Variants in NECAB1 observed in about 807,000 individuals in gnomAD.
The protein encoded by NECAB1 is N-terminal EF-hand calcium-binding protein 1.
NECAB1 carries 29 observed loss-of-function variants against 57.5 expected under a neutral mutation model. The observed-to-expected ratio is 0.50, with a 90% confidence interval of 0.38 to 0.69. NECAB1 has a LOEUF of 0.69. Among genes scored for constraint, NECAB1 ranks in the 30% least tolerant of loss-of-function variants. NECAB1 has a pLI of 0.00. For missense variants in NECAB1, 372 were observed against 413.8 expected (o/e 0.90, Z 0.88); for synonymous variants, 142 against 147.7 (o/e 0.96, Z 0.28).
At chr8:90,811,160 C>T (rs1811952624) in intron 2 of NECAB1, among the ~76,000 whole-genome samples, 1 of 152,000 alleles carries the variant, frequency 6.6e-6, no homozygotes, top group South Asian at 2.1e-4. Context: ...ACTCTGTTAG[C>T]CAGGATGGTC....
At chr8:90,951,067 A>T (rs745391499) in intron 11 of NECAB1, 46 bp from the exon 12 acceptor site, 1 of 1,195,114 alleles carries the variant, frequency 8.4e-7, no homozygotes, top group Non-Finnish European at 1.2e-6. Flanking sequence ...ACTTGGGAAG[A>T]TTGTAAATAA....
At chr8:90,792,039 C>T (rs1213107234) in intron 1 of NECAB1, 54 bp downstream of exon 1, 23 of 1,423,758 alleles carry the variant, frequency 1.6e-5, no homozygotes, top group Non-Finnish European at 2.0e-5. Flanking sequence ...TTTCTTTTCC[C>T]CGAAAGGAAG....
chr8:90,813,974 C>T (rs1465211234), intron 2 of NECAB1, among the ~76,000 whole-genome samples: 1 of 152,184 alleles, frequency 6.6e-6, no homozygotes, highest in African/African-American at 2.4e-5. Flanking sequence ...TATTTGTCTA[C>T]TAAAGTCCAC....
chr8:90,834,706 T>A (rs926049402), intron 3 of NECAB1, among the ~76,000 whole-genome samples: 5 of 151,986 alleles, frequency 3.3e-5, no homozygotes, highest in African/African-American at 1.2e-4. Context: ...GTAAAAAGAG[T>A]TGAAAATATA....
At chr8:90,925,069 T>A (rs1810226833) in intron 6 of NECAB1, among the ~76,000 whole-genome samples, 1 of 151,070 alleles carries the variant, frequency 6.6e-6, no homozygotes, top group Admixed American at 6.6e-5. Flanking sequence ...GAAAGAGGAG[T>A]GGGAATATGA....
chr8:90,839,773 G>T (rs79684419), intron 3 of NECAB1, among the ~76,000 whole-genome samples: 2,492 of 152,204 alleles, frequency 0.016, 76 homozygotes, highest in African/African-American at 0.057. Context: ...AGCCAAGAGG[G>T]GACCTAACTG....
chr8:90,877,490 A>G (rs1219356936), intron 4 of NECAB1, among the ~76,000 whole-genome samples: 1 of 152,186 alleles, frequency 6.6e-6, no homozygotes, highest in Non-Finnish European at 1.5e-5. Context: ...AGACCTTCTC[A>G]GTTATCTTCA....
intron 4 of NECAB1, among the ~76,000 whole-genome samples, chr8:90,875,844 C>CAAAAAAAAAAAAAAAAAAAAAAAAAAA (rs5893141): frequency 1.1e-5 from 1 of 88,442 alleles, no homozygotes; most frequent in African/African-American, 4.6e-5. Context: ...ACTAAAAATA[C>CAAAAAAAAAAAAAAAAAAAAAAAAAAA]AAAAAAAAAA....
At chr8:90,897,212 G>A (rs1317493988) in intron 5 of NECAB1, among the ~76,000 whole-genome samples, 1 of 152,210 alleles carries the variant, frequency 6.6e-6, no homozygotes, top group African/African-American at 2.4e-5. Context: ...GAGGGGCACA[G>A]ATTTACTATA....
intron 5 of NECAB1, among the ~76,000 whole-genome samples, chr8:90,905,475 A>G (rs1054688448): frequency 6.6e-6 from 1 of 152,198 alleles, no homozygotes; most frequent in Non-Finnish European, 1.5e-5. Context: ...TAATAGCCAC[A>G]GGTTCATAGG....
chr8:90,895,111 CT>C (rs1809291030), intron 5 of NECAB1, among the ~76,000 whole-genome samples: 1 of 152,086 alleles, frequency 6.6e-6, no homozygotes, highest in African/African-American at 2.4e-5. Context: ...GCACAAATGT[CT>C]GTTAAGAAAA....
intron 5 of NECAB1, among the ~76,000 whole-genome samples, chr8:90,896,584 G>A (rs1346864891): frequency 6.6e-6 from 1 of 151,554 alleles, no homozygotes; most frequent in Non-Finnish European, 1.5e-5. Context: ...CAGCCTGGGC[G>A]ACAGAGCGAG....
intron 2 of NECAB1, among the ~76,000 whole-genome samples, chr8:90,802,570 C>T (rs1161032169): frequency 2.0e-5 from 3 of 151,752 alleles, no homozygotes; most frequent in Non-Finnish European, 4.4e-5. Context: ...TTTTGAAATC[C>T]CATTTATCTA....
At chr8:90,921,139 C>A (rs1223699323) in intron 6 of NECAB1, among the ~76,000 whole-genome samples, 2 of 152,118 alleles carry the variant, frequency 1.3e-5, no homozygotes, top group African/African-American at 4.8e-5. Context: ...GTCTTAGCCT[C>A]CCGAGTAACT....
intron 3 of NECAB1, among the ~76,000 whole-genome samples, chr8:90,848,066 A>G (rs549494294): frequency 6.6e-6 from 1 of 152,140 alleles, no homozygotes; most frequent in African/African-American, 2.4e-5. Context: ...TCAGGCTGCA[A>G]ATTTTCCAAA....
chr8:90,934,344 G>A lies in NECAB1; in HGVS notation c.734G>A (p.Gly245Glu). 2 of 1,506,380 alleles carry A rather than the reference G, an allele frequency of 1.3e-6. No homozygotes were observed. Among genetic ancestry groups the A allele is most frequent in the Non-Finnish European group, 1.8e-6 (2 of 1,124,470 alleles). The allele number at this position is 1,506,380 out of a possible 1,614,324, so 93.3% of individuals were successfully genotyped here. The part of the protein sequence containing the change: ...LEPPEEEIIE[G>E]NTKSHIMLVQ... ...CCACCAGAAGAAGAAATTATTGAAG[G>A]GAATACTAAATCTGTAAGTATTTTT... Residue 245 changes from glycine (G) to glutamate (E), a missense_variant, in exon 9 of 13, where the codon GGG becomes GAG. Gly to Glu is a moderately conservative substitution (Grantham distance 98). Transcript: ENST00000417640.
At chr8:90,837,143 G>C (rs1200682171) in intron 3 of NECAB1, among the ~76,000 whole-genome samples, 4 of 152,256 alleles carry the variant, frequency 2.6e-5, no homozygotes, top group Non-Finnish European at 5.9e-5. Context: ...AGCCAGAGAT[G>C]CCTGGGTAAT....
In NECAB1 at chr8:90,872,935, A is replaced by C. The variant is rs537622810; in HGVS notation, c.259+782A>C. On this transcript the variant is annotated intron_variant, in intron 4 of 12. Coordinates refer to ENST00000417640, the MANE Select transcript of NECAB1 (RefSeq NM_022351.5). Reference sequence around the variant, plus strand: ...GTTTTGTCTGAGAACTCCTCATTGAAACTATCAGCATTTCCTGAACATCTT... The same window carrying C: ...GTTTTGTCTGAGAACTCCTCATTGACACTATCAGCATTTCCTGAACATCTT... Among the ~76,000 whole-genome samples the C allele has an allele frequency of 1.6e-4, 25 of 152,298 alleles. 1 individual carries two copies. In the South Asian group the frequency reaches 5.2e-3, roughly 32 times the overall value.
chr8:90,858,596 T>C (rs1384071208), intron 3 of NECAB1, among the ~76,000 whole-genome samples: 2 of 137,386 alleles, frequency 1.5e-5, no homozygotes, highest in African/African-American at 5.4e-5. Flanking sequence ...CCAATTACAA[T>C]ACAAGAAAAA....
Sources: gnomAD v4.1 joint callset for allele counts (sites outside exome capture counted in the v4.1 genomes callset) on GRCh38, gnomAD v4.1.1 for gene constraint, MANE v1.5 for transcripts, NCBI Gene and HGNC (gene_info 2026-07-23, HGNC 2026-07-21) for gene names.